Variants in MAGI1 observed in about 807,000 individuals in gnomAD.
The protein encoded by MAGI1 is membrane associated guanylate kinase, WW and PDZ domain containing 1.
A neutral mutation model predicts 139.9 loss-of-function variants in MAGI1; 58 were observed. The observed-to-expected ratio is 0.41, with a 90% CI of 0.34 to 0.52. MAGI1 has a LOEUF of 0.52. Ranked by LOEUF, MAGI1 falls within the 20% of genes least tolerant of loss-of-function variation. The probability of loss-of-function intolerance (pLI) is 0.12; values close to 1 mark genes in which losing one functional copy is unlikely to be tolerated. For missense variants in MAGI1, 1,874 were observed against 1,901.6 expected (o/e 0.99, Z 0.27); for synonymous variants, 812 against 737.9 (o/e 1.10, Z -1.63).
intron 1 of MAGI1, among the ~76,000 whole-genome samples, chr3:65,726,865 C>T (rs751532204): frequency 4.0e-5 from 6 of 148,932 alleles, no homozygotes; most frequent in African/African-American, 1.2e-4. Flanking sequence ...ATGCAAAAGA[C>T]GAGAGGCAGA....
intron 1 of MAGI1, chr3:65,687,512 C>G (rs2088160480): frequency 7.9e-6 from 3 of 381,708 alleles, no homozygotes; most frequent in Non-Finnish European, 1.6e-5. Context: ...TTCTGCTGAG[C>G]AGGCCTCTTA....
chr3:65,550,429 T>A (rs774401083), intron 2 of MAGI1, among the ~76,000 whole-genome samples: 2 of 152,190 alleles, frequency 1.3e-5, no homozygotes. Flanking sequence ...CTGGATGATA[T>A]CTCACCTCTT....
chr3:65,387,527 T>C (rs1229652274), intron 14 of MAGI1, among the ~76,000 whole-genome samples: 1 of 152,200 alleles, frequency 6.6e-6, no homozygotes, highest in East Asian at 1.9e-4. Context: ...TGAATGGCCT[T>C]ACTTCAATCA....
chr3:65,994,135 G>A (rs570532779), intron 1 of MAGI1, among the ~76,000 whole-genome samples: 10 of 152,052 alleles, frequency 6.6e-5, no homozygotes, highest in African/African-American at 2.2e-4. Context: ...TTAGCCAGGC[G>A]TGGTGGTGGG....
chr3:65,827,792 T>C (rs1446898841), intron 1 of MAGI1, among the ~76,000 whole-genome samples: 1 of 152,240 alleles, frequency 6.6e-6, no homozygotes, highest in Non-Finnish European at 1.5e-5. Context: ...CTCTTGTCTC[T>C]TGTCAGTACT....
At chr3:65,794,925 T>C (rs1309830002) in intron 1 of MAGI1, among the ~76,000 whole-genome samples, 2 of 148,574 alleles carry the variant, frequency 1.3e-5, no homozygotes, top group Non-Finnish European at 3.0e-5. Flanking sequence ...ACAAAGGATA[T>C]ACAGACAGCA....
At position 65,391,309 on chromosome 3, in the gene MAGI1, G is replaced by T; in HGVS notation, c.2249C>A (p.Ser750Tyr). 1 of 1,614,200 alleles carries T rather than the reference G, an allele frequency of 6.2e-7. No homozygotes were observed. The highest frequency in any genetic ancestry group is 8.5e-7 in the Non-Finnish European group (1 of 1,180,042). The stretch of plus-strand genomic sequence containing the variant: ...TGCTGTGTGCAGGCTTCGGTGGCTG[G>T]AAACACTGTGCTGAGAACTATTCTG... ...DSQNSSQHSV[S>Y]SHRSLHTASP... Residue 750 changes from serine (S) to tyrosine (Y), a missense_variant, in exon 14 of 23, where the codon TCC (serine) becomes TAC (tyrosine). Ser to Tyr is a moderately radical substitution (Grantham distance 144). Around this residue, in one of 5 missense-constraint regions of MAGI1, gnomAD observed 482 missense variants for 509.6 expected, o/e 0.95. Coordinates refer to ENST00000402939, the MANE Select transcript of MAGI1 (RefSeq NM_001033057.2).
intron 1 of MAGI1, among the ~76,000 whole-genome samples, chr3:66,020,620 A>G (rs1250106661): frequency 6.6e-6 from 1 of 152,204 alleles, no homozygotes; most frequent in Non-Finnish European, 1.5e-5. Context: ...CTGAAGCTCC[A>G]TCCTTCTGAA....
At chr3:65,959,882 T>C (rs1411719088) in intron 1 of MAGI1, among the ~76,000 whole-genome samples, 3 of 132,926 alleles carry the variant, frequency 2.3e-5, no homozygotes, top group Non-Finnish European at 4.6e-5. Flanking sequence ...CTCGGCTCAC[T>C]GCAAGCTCCA....
At chr3:65,752,765 C>T (rs1449766476) in intron 1 of MAGI1, among the ~76,000 whole-genome samples, 4 of 152,212 alleles carry the variant, frequency 2.6e-5, no homozygotes, top group African/African-American at 9.6e-5. Flanking sequence ...AAGAATCCTA[C>T]TCAGTCATAT....
At chr3:65,694,305 T>C (rs1376220906) in intron 1 of MAGI1, among the ~76,000 whole-genome samples, 1 of 152,180 alleles carries the variant, frequency 6.6e-6, no homozygotes, top group African/African-American at 2.4e-5. Context: ...GCAGTGTGCC[T>C]TGAGCAAATC....
At chr3:65,671,756 T>A (rs1256536418) in intron 1 of MAGI1, among the ~76,000 whole-genome samples, 1 of 152,094 alleles carries the variant, frequency 6.6e-6, no homozygotes, top group Non-Finnish European at 1.5e-5. Context: ...GTCAAACCTT[T>A]CCATGGCTAA....
rs2060768964 is a variant in MAGI1, at chr3:65,891,885, A to ATAT, written c.313+146110_313+146111insATA. 5.3e-5 allele frequency among the ~76,000 whole-genome samples: 2 copies of ATAT among 37,538 alleles called. 1 individual carries two copies. Among genetic ancestry groups the ATAT allele is most frequent in the African/African-American group, 1.5e-4 (2 of 13,532 alleles). 24.6% of individuals were successfully genotyped at this position (37,538 alleles called of 152,430 possible). A position where few individuals can be genotyped will look rare whatever the true frequency, so the allele number is the denominator to read the frequency against. ...AAATGTACCCTAGAACTTAAAGTAT[A>ATAT]ATATATATATATATATATATATATA... On this transcript the variant is annotated intron_variant, in intron 1 of 22. Transcript: ENST00000402939.
intron 1 of MAGI1, among the ~76,000 whole-genome samples, chr3:65,766,741 T>G (rs1167792254): frequency 6.6e-6 from 1 of 151,818 alleles, no homozygotes; most frequent in Admixed American, 6.6e-5. Context: ...AATAAAAAAT[T>G]AGCCAGGTGT....
At chr3:65,811,724 A>G (rs1343757156) in intron 1 of MAGI1, among the ~76,000 whole-genome samples, 1 of 152,038 alleles carries the variant, frequency 6.6e-6, no homozygotes, top group South Asian at 2.1e-4. Flanking sequence ...CAGAGCCAAG[A>G]CAGAGAGGTA....
rs1427869185 is a variant in MAGI1, at chr3:65,804,663, T to C, written c.314-182575A>G. Reference sequence around the variant, plus strand: ...GGACCGTAGCCTACACTTGTGCCAATCACCAAGTTTTTCCCAATCAAATGT... The same window carrying C: ...GGACCGTAGCCTACACTTGTGCCAACCACCAAGTTTTTCCCAATCAAATGT... On this transcript the variant is annotated intron_variant, in intron 1 of 22. Transcript: ENST00000402939. Among the ~76,000 whole-genome samples the C allele has an allele frequency of 3.9e-5, 6 of 152,160 alleles. No homozygotes were observed. In the East Asian group the frequency reaches 9.7e-4, roughly 24 times the overall value.
intron 1 of MAGI1, among the ~76,000 whole-genome samples, chr3:65,780,249 C>T (rs1241977545): frequency 2.0e-5 from 3 of 152,150 alleles, no homozygotes; most frequent in African/African-American, 2.4e-5. Context: ...GTCTCAAACT[C>T]CCAGGCTCAA....
At chr3:65,548,849 G>C (rs2079655981) in intron 2 of MAGI1, among the ~76,000 whole-genome samples, 1 of 152,156 alleles carries the variant, frequency 6.6e-6, no homozygotes, top group Non-Finnish European at 1.5e-5. Flanking sequence ...AGCTCAAAAT[G>C]CAGGCTACTG....
At chr3:65,619,680 C>T (rs147821740) in intron 2 of MAGI1, among the ~76,000 whole-genome samples, 66 of 152,192 alleles carry the variant, frequency 4.3e-4, no homozygotes, top group Non-Finnish European at 7.8e-4. Flanking sequence ...TCACATGGGC[C>T]ATAGAATCAA....
Sources: gnomAD v4.1 joint callset for allele counts (sites outside exome capture counted in the v4.1 genomes callset) on GRCh38, gnomAD v4.1.1 for gene constraint, gnomAD v4.1.1 regional missense constraint, MANE v1.5 for transcripts, NCBI Gene and HGNC (gene_info 2026-07-23, HGNC 2026-07-21) for gene names.